The following ERBIN variants were observed in gnomAD, a reference collection of about 807,000 sequenced individuals.
ERBIN encodes the protein erbb2 interacting protein.
In ERBIN, 60 loss-of-function variants were observed where a neutral mutation model predicts 158.4. That is an observed-to-expected ratio of 0.38 (90% CI 0.31 to 0.47). ERBIN has a LOEUF of 0.47. Ranked by LOEUF, ERBIN falls within the 20% of genes least tolerant of loss-of-function variation. The pLI is 0.99. For missense variants in ERBIN, 1,610 were observed against 1,648.0 expected (o/e 0.98, Z 0.40); for synonymous variants, 594 against 557.2 (o/e 1.07, Z -0.93).
chr5:65,978,446 A>G (rs564141400), intron 1 of ERBIN, among the ~76,000 whole-genome samples: 1 of 134,794 alleles, frequency 7.4e-6, no homozygotes, highest in African/African-American at 2.7e-5. Flanking sequence ...GAGATGGAAG[A>G]GGATTCCACA....
Position 66,046,411 on chromosome 5 carries a change from T to G in ERBIN, c.1661T>G (p.Ile554Arg). 6.2e-7 allele frequency: 1 copy of G among 1,606,930 alleles called. No homozygotes were observed. Among genetic ancestry groups the G allele is most frequent in the Non-Finnish European group, 8.5e-7 (1 of 1,175,470 alleles). Residue 554 changes from isoleucine to arginine, a missense_variant, in exon 18 of 26, where the codon ATA (isoleucine) becomes AGA (arginine). Coordinates refer to ENST00000284037, the MANE Select transcript of ERBIN (RefSeq NM_001253697.2). ...GTTGATGAAAGAGAAAAATATATGA[T>G]AGGAAACTCTGTACAGAAGATCAGT... Reference protein sequence around the residue: ...SKVDEREKYMIGNSVQKISEP... With the variant: ...SKVDEREKYMRGNSVQKISEP...
At chr5:65,947,310 A>G (rs986487953) in intron 1 of ERBIN, among the ~76,000 whole-genome samples, 4 of 151,882 alleles carry the variant, frequency 2.6e-5, no homozygotes, top group Admixed American at 1.3e-4. Flanking sequence ...GCTCACTGCA[A>G]CCTCCACCTT....
At position 66,013,535 on chromosome 5, in the gene ERBIN, G is replaced by T; in HGVS notation, c.387-14G>T. On this transcript the variant is annotated splice_polypyrimidine_tract_variant and intron_variant, in intron 5 of 25. Transcript: ENST00000284037. ...CTTACATGAACTTAACTTAAATTCTGGTATTTTATGTAGGCTCCCTGATGG... is the reference window on the plus strand; with the variant it reads ...CTTACATGAACTTAACTTAAATTCTTGTATTTTATGTAGGCTCCCTGATGG... 1 of 1,512,070 alleles carries T rather than the reference G, an allele frequency of 6.6e-7. No individual in the cohort carries two copies. The highest frequency in any genetic ancestry group is 9.2e-7 in the Non-Finnish European group (1 of 1,089,130). The allele number at this position is 1,512,070 out of a possible 1,614,324, so 93.7% of individuals were successfully genotyped here.
At chr5:66,052,220 G>A (rs1759108732) in intron 20 of ERBIN, among the ~76,000 whole-genome samples, 4 of 151,744 alleles carry the variant, frequency 2.6e-5, no homozygotes, top group Admixed American at 2.6e-4. Flanking sequence ...AAAAAGATCG[G>A]GGTTACTACT....
intron 1 of ERBIN, among the ~76,000 whole-genome samples, chr5:65,972,944 GT>G (rs1195866556): frequency 6.6e-6 from 1 of 151,116 alleles, no homozygotes; most frequent in Non-Finnish European, 1.5e-5. Flanking sequence ...CAATTCCTAC[GT>G]TTTTTTCGGT....
chr5:65,965,382 GTTTTTTTTTTTTTT>G lies in ERBIN; in HGVS notation c.-57-23225_-57-23212del, dbSNP rs200847060. On this transcript the variant is annotated intron_variant, in intron 1 of 25. Coordinates refer to ENST00000284037, the MANE Select transcript of ERBIN (RefSeq NM_001253697.2). ...GTTCTTACCAGATTTGTTTTTTGTTGTTTTTTTTTTTTTTTTTTTTTTTTTTTTTTTTTTTTTTT... is the reference window on the plus strand; with the variant it reads ...GTTCTTACCAGATTTGTTTTTTGTTGTTTTTTTTTTTTTTTTTTTTTTTTT... Among the ~76,000 whole-genome samples the G allele has an allele frequency of 8.3e-5, 8 of 96,060 alleles. No individual in the cohort carries two copies. The South Asian group carries it at 1.0e-3, about 13-fold the overall frequency. 63.0% of individuals were successfully genotyped at this position (96,060 alleles called of 152,430 possible). A position where few individuals can be genotyped will look rare whatever the true frequency, so the allele number is the denominator to read the frequency against.
At chr5:65,960,655 A>C (rs1178412622) in intron 1 of ERBIN, among the ~76,000 whole-genome samples, 4 of 152,212 alleles carry the variant, frequency 2.6e-5, no homozygotes, top group African/African-American at 9.6e-5. Flanking sequence ...ACTGCTACTC[A>C]TGCAGATTGA....
At chr5:65,988,847 A>T (rs1322054414) in intron 2 of ERBIN, among the ~76,000 whole-genome samples, 165 bp downstream of exon 2, 1 of 151,692 alleles carries the variant, frequency 6.6e-6, no homozygotes, top group Non-Finnish European at 1.5e-5. Flanking sequence ...TTAGCCAGGC[A>T]TGGTGGCTGG....
At chr5:66,061,622 C>G (rs1255524595) in intron 21 of ERBIN, among the ~76,000 whole-genome samples, 1 of 152,170 alleles carries the variant, frequency 6.6e-6, no homozygotes, top group African/African-American at 2.4e-5. Context: ...TTAGTTGATG[C>G]AGTTTCTTCC....
At chr5:65,979,530 A>G (rs954310991) in intron 1 of ERBIN, among the ~76,000 whole-genome samples, 1 of 152,242 alleles carries the variant, frequency 6.6e-6, no homozygotes, top group African/African-American at 2.4e-5. Flanking sequence ...AGACCTGGAA[A>G]AGGGTGATTG....
At chr5:66,062,953 G>T (rs921053766) in intron 21 of ERBIN, among the ~76,000 whole-genome samples, 12 of 152,218 alleles carry the variant, frequency 7.9e-5, no homozygotes, top group African/African-American at 2.4e-4. Context: ...TGCCCCTACT[G>T]GGGGGTGCCT....
rs549522123 is a variant in ERBIN, at chr5:66,010,830, G to T, written c.308-1219G>T. Among the ~76,000 whole-genome samples, 4 of 152,278 alleles carry T rather than the reference G, an allele frequency of 2.6e-5. No individual in the cohort carries two copies. In the South Asian group the frequency reaches 8.3e-4, roughly 32 times the overall value. On this transcript the variant is annotated intron_variant, in intron 4 of 25. Transcript: ENST00000284037. The stretch of plus-strand genomic sequence containing the variant: ...CATTCCTTTAGTCTAGATTAGAACA[G>T]TGCTTTTTAAAGTTGATCTGTGGAC...
intron 1 of ERBIN, among the ~76,000 whole-genome samples, chr5:65,956,406 CT>C (rs11316504): frequency 0.85 from 120,826 of 142,578 alleles, 51,841 homozygotes; most frequent in African/African-American, 0.92. Context: ...TGGAGTCTCG[CT>C]TCTGTCACCA....
At chr5:65,998,088 G>A (rs755488459) in intron 4 of ERBIN, among the ~76,000 whole-genome samples, 1 of 151,822 alleles carries the variant, frequency 6.6e-6, no homozygotes, top group South Asian at 2.1e-4. Flanking sequence ...TTAGCCAGGC[G>A]TGGTGGCACG....
intron 14 of ERBIN, among the ~76,000 whole-genome samples, chr5:66,037,167 G>A (rs578051290): frequency 1.3e-5 from 2 of 152,198 alleles, no homozygotes; most frequent in African/African-American, 2.4e-5. Context: ...GAAGCCAAAA[G>A]TATGGAAATG....
chr5:65,984,693 A>G (rs1751027776), intron 1 of ERBIN: 1 of 152,268 alleles, frequency 6.6e-6, no homozygotes, highest in Non-Finnish European at 1.5e-5. Flanking sequence ...AGCCTCAGTA[A>G]GTCCATCTGC....
At chr5:65,964,908 T>TTGTG (rs70987104) in intron 1 of ERBIN, among the ~76,000 whole-genome samples, 2,517 of 107,208 alleles carry the variant, frequency 0.023, 77 homozygotes, top group Middle Eastern at 0.074. Flanking sequence ...CCTGGCTGAT[T>TTGTG]TGTGTGTGTG....
chr5:66,054,833 G>T lies in ERBIN; in HGVS notation c.3515G>T (p.Arg1172Ile), dbSNP rs1357344314. ...FNYSRTSPSK[R>I]PNARVGSEHS... ...TATTCACGGACTAGTCCTTCAAAAA[G>T]ACCAAATGCAAGGGTTGGTTCTGAG... The change falls in exon 21 of 26, where the codon AGA (arginine) becomes ATA (isoleucine). Residue 1172 changes from arginine (R) to isoleucine (I), a missense_variant. Physicochemically the swap from Arg to Ile is moderately conservative, Grantham distance 97 (BLOSUM62 -3). Coordinates refer to ENST00000284037, the MANE Select transcript of ERBIN (RefSeq NM_001253697.2). The T allele has an allele frequency of 1.9e-6, 3 of 1,613,960 alleles. No individual in the cohort carries two copies. The Admixed American group carries it at 5.0e-5, about 27-fold the overall frequency.
intron 1 of ERBIN, among the ~76,000 whole-genome samples, chr5:65,936,007 G>A (rs768353602): frequency 1.1e-4 from 16 of 152,130 alleles, no homozygotes; most frequent in Non-Finnish European, 1.8e-4. Context: ...GATTACAGGT[G>A]TGAGCCACTG....
Sources: gnomAD v4.1 joint callset for allele counts (sites outside exome capture counted in the v4.1 genomes callset) on GRCh38, gnomAD v4.1.1 for gene constraint, MANE v1.5 for transcripts, NCBI Gene and HGNC (gene_info 2026-07-23, HGNC 2026-07-21) for gene names.